The following PARD3B variants were observed in gnomAD, a reference collection of about 807,000 sequenced individuals.
The protein encoded by PARD3B is par-3 family cell polarity regulator beta.
In PARD3B, 103 loss-of-function variants were observed where a neutral mutation model predicts 130.2. The observed-to-expected ratio is 0.79, with a 90% CI of 0.67 to 0.93. The LOEUF is 0.93. Among genes scored for constraint, PARD3B ranks in the 40% least tolerant of loss-of-function variants. The pLI is 0.00. For missense variants in PARD3B, 1,609 were observed against 1,499.2 expected, an observed-to-expected ratio of 1.07 and a Z score of -1.21; for synonymous variants, 583 against 553.2, an observed-to-expected ratio of 1.05 and a Z score of -0.76.
chr2:205,442,208 A>G (rs1185652371), intron 20 of PARD3B, among the ~76,000 whole-genome samples: 2 of 151,236 alleles, frequency 1.3e-5, no homozygotes, highest in Admixed American at 6.6e-5. Context: ...AATGTGAGGC[A>G]TTTTATAAAA....
intron 20 of PARD3B, among the ~76,000 whole-genome samples, chr2:205,492,714 A>G (rs1274701226): frequency 2.0e-5 from 3 of 152,206 alleles, no homozygotes; most frequent in Non-Finnish European, 4.4e-5. Context: ...TTACACAATC[A>G]TAACTTTACC....
At chr2:205,370,745 A>G (rs1284945397) in intron 18 of PARD3B, among the ~76,000 whole-genome samples, 1 of 152,254 alleles carries the variant, frequency 6.6e-6, no homozygotes, top group African/African-American at 2.4e-5. Context: ...AGATGACAGT[A>G]GCACTTTTAA....
chr2:205,607,585 C>T (rs1315425220), intron 22 of PARD3B, among the ~76,000 whole-genome samples: 2 of 152,138 alleles, frequency 1.3e-5, no homozygotes, highest in South Asian at 2.1e-4. Flanking sequence ...ATGGAGGAAA[C>T]ATTTAGGATG....
chr2:205,192,566 G>A (rs957998426), intron 14 of PARD3B, among the ~76,000 whole-genome samples: 2 of 152,170 alleles, frequency 1.3e-5, no homozygotes, highest in Non-Finnish European at 2.9e-5. Flanking sequence ...AGTTATTTGA[G>A]ATTGCCTACA....
intron 2 of PARD3B, among the ~76,000 whole-genome samples, chr2:204,703,065 C>T (rs1302597189): frequency 6.6e-6 from 1 of 152,014 alleles, no homozygotes; most frequent in African/African-American, 2.4e-5. Flanking sequence ...ATTATCTCAT[C>T]GATTATTTAA....
intron 4 of PARD3B, chr2:205,047,899 C>T (rs1386288789): frequency 1.0e-5 from 4 of 393,600 alleles, no homozygotes; most frequent in Non-Finnish European, 1.8e-5. Context: ...TGATTATGTG[C>T]CAAGTACTAT....
intron 22 of PARD3B, among the ~76,000 whole-genome samples, chr2:205,600,369 G>T (rs1222830096): frequency 6.6e-6 from 1 of 152,184 alleles, no homozygotes; most frequent in African/African-American, 2.4e-5. Flanking sequence ...AGGTTGAGGT[G>T]CCTAGGGAAC....
At chr2:205,408,859 G>A (rs2046499712) in intron 19 of PARD3B, among the ~76,000 whole-genome samples, 1 of 152,086 alleles carries the variant, frequency 6.6e-6, no homozygotes, top group African/African-American at 2.4e-5. Context: ...TAAAATGTTG[G>A]AATGATTCCC....
rs1467272315 is a variant in PARD3B at position 205,619,138 on chromosome 2, C to T, written c.*3325C>T. Reference sequence around the variant, plus strand: ...TCAAATTAAAACATGACTCATTGTCCCCTCCAAAGATTCATAAAATTCTTG... The same window carrying T: ...TCAAATTAAAACATGACTCATTGTCTCCTCCAAAGATTCATAAAATTCTTG... On this transcript the variant is annotated 3_prime_UTR_variant, in exon 23 of 23. Coordinates refer to ENST00000406610, the MANE Select transcript of PARD3B (RefSeq NM_001302769.2). The T allele has an allele frequency of 6.6e-6, 1 of 152,060 alleles. No homozygotes were observed. The highest frequency in any genetic ancestry group is 2.4e-5 in the African/African-American group (1 of 41,388). 9.4% of individuals were successfully genotyped at this position (152,060 alleles called of 1,614,324 possible).
chr2:204,904,645 T>C (rs2046982168), intron 2 of PARD3B, among the ~76,000 whole-genome samples: 1 of 151,874 alleles, frequency 6.6e-6, no homozygotes, highest in Non-Finnish European at 1.5e-5. Flanking sequence ...ATATACATTA[T>C]AGTTATGGCA....
At chr2:205,376,385 G>T (rs2045053966) in intron 18 of PARD3B, among the ~76,000 whole-genome samples, 1 of 141,742 alleles carries the variant, frequency 7.1e-6, no homozygotes, top group Non-Finnish European at 1.6e-5. Context: ...GGACGACAGA[G>T]GCTGGGAGAG....
chr2:204,598,700 T>G (rs2033393859), intron 1 of PARD3B, among the ~76,000 whole-genome samples: 1 of 152,110 alleles, frequency 6.6e-6, no homozygotes, highest in South Asian at 2.1e-4. Context: ...TTGTTCTATA[T>G]TAACAATTTG....
At chr2:204,723,329 G>A (rs1296801539) in intron 2 of PARD3B, among the ~76,000 whole-genome samples, 2 of 152,078 alleles carry the variant, frequency 1.3e-5, no homozygotes, top group African/African-American at 4.8e-5. Flanking sequence ...TTACTTTATA[G>A]ACATAATACA....
chr2:205,094,266 A>G (rs1224928761), intron 4 of PARD3B, among the ~76,000 whole-genome samples: 3 of 152,188 alleles, frequency 2.0e-5, no homozygotes, highest in Non-Finnish European at 2.9e-5. Flanking sequence ...TGAATGGCGA[A>G]ATGATTGTGT....
At chr2:204,872,299 T>C (rs762104212) in intron 2 of PARD3B, among the ~76,000 whole-genome samples, 27 of 152,144 alleles carry the variant, frequency 1.8e-4, no homozygotes, top group Non-Finnish European at 3.2e-4. Flanking sequence ...ACATGTAATA[T>C]ATATGTATGC....
Position 205,525,614 on chromosome 2 carries a change from T to C in PARD3B, c.3180+25583T>C, listed in dbSNP as rs2051302949. Among the ~76,000 whole-genome samples the C allele has an allele frequency of 1.3e-5, 2 of 152,216 alleles. No homozygotes were observed. The highest frequency in any genetic ancestry group is 2.9e-5 in the Non-Finnish European group (2 of 68,038). ...AGACTGAGGTCTATTGTGCGGATGC[T>C]AATCTAATAACAGAATCATATTTAT... On this transcript the variant is annotated intron_variant, in intron 21 of 22. Transcript: ENST00000406610. This position sits in a 1 kb window ranked among gnomAD's most constrained non-coding sequence, Gnocchi z 4.2.
chr2:204,983,232 T>A (rs1692831688), intron 3 of PARD3B, among the ~76,000 whole-genome samples: 1 of 152,186 alleles, frequency 6.6e-6, no homozygotes, highest in African/African-American at 2.4e-5. Context: ...GGAGTTTCTT[T>A]ATTTGGTAGT....
At chr2:205,173,788 ACC>A (rs2035308813) in intron 12 of PARD3B, among the ~76,000 whole-genome samples, 1 of 152,092 alleles carries the variant, frequency 6.6e-6, no homozygotes, top group Non-Finnish European at 1.5e-5. Context: ...TAGTTATAAC[ACC>A]CTTATCTGCC....
intron 18 of PARD3B, among the ~76,000 whole-genome samples, chr2:205,332,030 G>A (rs936132841): frequency 5.9e-5 from 9 of 151,998 alleles, no homozygotes; most frequent in East Asian, 3.9e-4. Flanking sequence ...GCGTGAACCC[G>A]GGAGGTGGAA....
Sources: gnomAD v4.1 joint callset for allele counts (sites outside exome capture counted in the v4.1 genomes callset) on GRCh38, gnomAD v4.1.1 for gene constraint, Gnocchi (gnomAD v3.1) non-coding constraint, MANE v1.5 for transcripts, NCBI Gene and HGNC (gene_info 2026-07-23, HGNC 2026-07-21) for gene names.